The following LIMCH1 variants were observed in gnomAD, a reference collection of about 807,000 sequenced individuals.
LIMCH1 encodes the protein LIM and calponin homology domains-containing protein 1.
In LIMCH1, 113 loss-of-function variants were observed where a neutral mutation model predicts 176.5. The observed-to-expected ratio is 0.64, with a 90% confidence interval of 0.55 to 0.75. The LOEUF is 0.75. Among genes scored for constraint, LIMCH1 ranks in the 30% least tolerant of loss-of-function variants. The pLI, the probability that LIMCH1 is intolerant of heterozygous loss-of-function variation, is 0.00. For synonymous variants in LIMCH1, 619 were observed against 645.9 expected (o/e 0.96, Z 0.63); for missense variants, 1,674 against 1,814.9 (o/e 0.92, Z 1.41).
intron 1 of LIMCH1, among the ~76,000 whole-genome samples, chr4:41,580,596 A>T (rs2085253145): frequency 6.6e-6 from 1 of 152,190 alleles, no homozygotes; most frequent in African/African-American, 2.4e-5. Flanking sequence ...AAGAAAAAAT[A>T]GGACAAGTCA....
chr4:41,422,905 G>T (rs1390486002), intron 1 of LIMCH1, among the ~76,000 whole-genome samples: 1 of 152,138 alleles, frequency 6.6e-6, no homozygotes, highest in African/African-American at 2.4e-5. Context: ...TTGCAGGTGT[G>T]TGCCACCACA....
chr4:41,685,572 C>A, intron 27 of LIMCH1, 138 bp from the exon 28 acceptor site: 1 of 979,064 alleles, frequency 1.0e-6, no homozygotes, highest in Non-Finnish European at 1.5e-6. Context: ...AGTGGCCTCT[C>A]TAACCACCAT....
intron 1 of LIMCH1, among the ~76,000 whole-genome samples, chr4:41,461,908 C>CTTCA (rs2065416789): frequency 6.6e-6 from 1 of 152,206 alleles, no homozygotes; most frequent in Admixed American, 6.5e-5. Context: ...TCCCACAGCC[C>CTTCA]TTCATCAGGG....
At chr4:41,592,100 T>C (rs775187825) in intron 1 of LIMCH1, among the ~76,000 whole-genome samples, 1 of 152,204 alleles carries the variant, frequency 6.6e-6, no homozygotes, top group Non-Finnish European at 1.5e-5. Context: ...AGCACTGCCA[T>C]GGGCTGAGGA....
rs545776276 is a variant in LIMCH1, at chr4:41,584,671, G to GT, written c.-240-14241dup. The stretch of plus-strand genomic sequence containing the variant: ...AGGACTCTGTGATGTGTTTATTGCT[G>GT]TTTTTTTTGTTTGTTTGTTTGTTTT... On this transcript the variant is annotated intron_variant, in intron 1 of 31. Coordinates refer to ENST00000503057, the MANE Select transcript of LIMCH1 (RefSeq NM_001330672.2). Among the ~76,000 whole-genome samples, 89 of 151,822 alleles carry GT rather than the reference G, an allele frequency of 5.9e-4. 1 individual carries two copies. Among genetic ancestry groups the GT allele is most frequent in the African/African-American group, 1.8e-3 (75 of 41,408 alleles).
At position 41,479,148 on chromosome 4, in the gene LIMCH1, C is replaced by T. The variant is rs146392660; in HGVS notation, c.97-15388C>T. 1.8e-3 allele frequency among the ~76,000 whole-genome samples: 279 copies of T among 152,258 alleles called. 3 individuals carry two copies. The highest frequency in any genetic ancestry group is 6.4e-3 in the African/African-American group (268 of 41,568). ...CACACATTCCACTCTACTATTTTTT[C>T]GGTCATTTCAAAATAAATTATAGAT... On this transcript the variant is annotated intron_variant, in intron 1 of 26. Transcript: ENST00000313860.
At chr4:41,592,470 T>C (rs905633503) in intron 1 of LIMCH1, among the ~76,000 whole-genome samples, 2 of 152,216 alleles carry the variant, frequency 1.3e-5, no homozygotes, top group East Asian at 1.9e-4. Context: ...ATCTTTTTTT[T>C]TTCTTTGCCA....
chr4:41,536,283 C>G (rs2077936561), upstream of LIMCH1, among the ~76,000 whole-genome samples: 1 of 152,130 alleles, frequency 6.6e-6, no homozygotes, highest in African/African-American at 2.4e-5. Flanking sequence ...TTAAAACGTG[C>G]CTTCCTCTGG....
At chr4:41,573,551 C>T (rs896816100) in intron 1 of LIMCH1, among the ~76,000 whole-genome samples, 5 of 152,122 alleles carry the variant, frequency 3.3e-5, no homozygotes, top group Non-Finnish European at 2.9e-5. Flanking sequence ...AAGTATTCTT[C>T]GCAAATGCTA....
chr4:41,514,032 A>C (rs2075281396), intron 2 of LIMCH1, among the ~76,000 whole-genome samples: 1 of 142,608 alleles, frequency 7.0e-6, no homozygotes, highest in African/African-American at 2.6e-5. Context: ...AAAAAAAAAA[A>C]AAAAAAAAAA....
At chr4:41,446,985 T>C (rs1353000789) in intron 1 of LIMCH1, among the ~76,000 whole-genome samples, 1 of 152,154 alleles carries the variant, frequency 6.6e-6, no homozygotes, top group Non-Finnish European at 1.5e-5. Context: ...CTCCTGCACT[T>C]TGGGAGGCTG....
At chr4:41,638,831 T>G in intron 13 of LIMCH1, 101 bp from the exon 14 acceptor site, 1 of 919,034 alleles carries the variant, frequency 1.1e-6, no homozygotes, top group East Asian at 2.4e-5. Context: ...GCAAAAAAGG[T>G]TTGGCGCACA....
intron 13 of LIMCH1, among the ~76,000 whole-genome samples, chr4:41,636,340 CTTTT>C (rs35828085): frequency 9.5e-6 from 1 of 104,944 alleles, no homozygotes; most frequent in Non-Finnish European, 1.9e-5. Context: ...TGCTTTATTA[CTTTT>C]TTTTTTTTTT....
At chr4:41,527,760 T>C (rs1460476395) in intron 3 of LIMCH1, among the ~76,000 whole-genome samples, 1 of 146,880 alleles carries the variant, frequency 6.8e-6, no homozygotes, top group African/African-American at 2.6e-5. Flanking sequence ...GAGGCGGAGC[T>C]TGCAGTGAGC....
intron 1 of LIMCH1, among the ~76,000 whole-genome samples, chr4:41,395,442 C>T (rs530872729): frequency 2.0e-5 from 3 of 150,636 alleles, no homozygotes; most frequent in Non-Finnish European, 3.0e-5. Flanking sequence ...GGGGTTTCAC[C>T]ATGTTGACCA....
intron 2 of LIMCH1, among the ~76,000 whole-genome samples, chr4:41,497,927 G>A (rs1189991326): frequency 6.6e-6 from 1 of 152,190 alleles, no homozygotes; most frequent in Non-Finnish European, 1.5e-5. Context: ...GGTGGAGAGA[G>A]GAGAGGGCAT....
intron 1 of LIMCH1, among the ~76,000 whole-genome samples, chr4:41,444,896 A>G (rs1236722533): frequency 1.3e-5 from 2 of 152,164 alleles, no homozygotes; most frequent in East Asian, 3.9e-4. Flanking sequence ...TACCAGACTG[A>G]GGTTAAAGAG....
intron 18 of LIMCH1, among the ~76,000 whole-genome samples, chr4:41,651,692 TAA>T (rs2094304536): frequency 6.6e-6 from 1 of 152,312 alleles, no homozygotes; most frequent in South Asian, 2.1e-4. Context: ...GATGTATATA[TAA>T]AAGGGCCTTT....
At chr4:41,641,612 G>A (rs2093827237) in intron 14 of LIMCH1, among the ~76,000 whole-genome samples, 1 of 152,160 alleles carries the variant, frequency 6.6e-6, no homozygotes, top group African/African-American at 2.4e-5. Context: ...TGGAACCCAA[G>A]TCTAAACATG....
Sources: allele counts gnomAD v4.1 joint callset (sites outside exome capture counted in the v4.1 genomes callset), GRCh38; gene constraint gnomAD v4.1.1; transcripts MANE v1.5; gene names NCBI Gene and HGNC (gene_info 2026-07-23, HGNC 2026-07-21).